The following FRAS1 variants were observed in gnomAD, a reference collection of about 807,000 sequenced individuals.
FRAS1 encodes extracellular matrix organizing protein FRAS1.
A neutral mutation model predicts 435.2 loss-of-function variants in FRAS1; 290 were observed. The ratio of observed to expected loss-of-function variants is 0.67; its 90% CI spans 0.61 to 0.73. The LOEUF is 0.73. Among genes scored for constraint, FRAS1 ranks in the 30% least tolerant of loss-of-function variants. The pLI is 0.00. For synonymous variants in FRAS1, 1,800 were observed against 1,851.0 expected (o/e 0.97, Z 0.71); for missense variants, 4,860 against 5,001.5 (o/e 0.97, Z 0.85).
rs981461626 is a variant in FRAS1 at position 78,464,992 on chromosome 4, C to A, written c.7029+409C>A. Reference sequence around the variant, plus strand: ...TCCTTCATCCGGACTTCTCTGATGGCAACTAATTATTACAATTTGAGCCTC... The same window carrying A: ...TCCTTCATCCGGACTTCTCTGATGGAAACTAATTATTACAATTTGAGCCTC... On this transcript the variant is annotated intron_variant, in intron 49 of 73. Coordinates refer to ENST00000512123, the MANE Select transcript of FRAS1 (RefSeq NM_025074.7). Among the ~76,000 whole-genome samples the A allele has an allele frequency of 1.4e-4, 21 of 152,326 alleles. 1 individual carries two copies. Among genetic ancestry groups the A allele is most frequent in the Admixed American group, 9.1e-4 (14 of 15,304 alleles).
At chr4:78,090,507 G>T (rs1482707209) in intron 2 of FRAS1, among the ~76,000 whole-genome samples, 1 of 152,042 alleles carries the variant, frequency 6.6e-6, no homozygotes, top group Non-Finnish European at 1.5e-5. Context: ...TGTCAGATCT[G>T]GTTAAGTCCA....
chr4:78,255,891 A>C (rs955040902), intron 6 of FRAS1, among the ~76,000 whole-genome samples: 1 of 152,236 alleles, frequency 6.6e-6, no homozygotes, highest in Non-Finnish European at 1.5e-5. Flanking sequence ...TCTGATTCTC[A>C]AAACATTAGA....
At chr4:78,323,629 C>A (rs766355217) in intron 18 of FRAS1, among the ~76,000 whole-genome samples, 1 of 152,166 alleles carries the variant, frequency 6.6e-6, no homozygotes, top group Non-Finnish European at 1.5e-5. Flanking sequence ...CCCCCAAGGG[C>A]GCTATTCTCA....
At chr4:78,336,538 CTA>C (rs1410722049) in intron 19 of FRAS1, among the ~76,000 whole-genome samples, 1 of 152,072 alleles carries the variant, frequency 6.6e-6, no homozygotes, top group Non-Finnish European at 1.5e-5. Context: ...CCAGAGAATG[CTA>C]TGTCTTTTGG....
intron 30 of FRAS1, among the ~76,000 whole-genome samples, chr4:78,401,530 G>A (rs1391262554): frequency 6.6e-6 from 1 of 152,202 alleles, no homozygotes; most frequent in Non-Finnish European, 1.5e-5. Context: ...TCCAAAAGGG[G>A]TTGTGAATGT....
chr4:78,504,228 A>AAT (rs1445881636), intron 61 of FRAS1, among the ~76,000 whole-genome samples: 2 of 152,242 alleles, frequency 1.3e-5, no homozygotes, highest in Non-Finnish European at 2.9e-5. Flanking sequence ...GCTGTCTATT[A>AAT]GGTCTGCTTG....
intron 2 of FRAS1, among the ~76,000 whole-genome samples, chr4:78,155,853 G>A (rs1172979675): frequency 1.3e-5 from 2 of 152,118 alleles, no homozygotes; most frequent in East Asian, 1.9e-4. Context: ...TACAGAGTTG[G>A]TGAGTGGGCC....
At chr4:78,424,851 G>T (rs1286357374) in intron 35 of FRAS1, among the ~76,000 whole-genome samples, 1 of 151,916 alleles carries the variant, frequency 6.6e-6, no homozygotes, top group East Asian at 1.9e-4. Flanking sequence ...GATCCCTTGA[G>T]CCCAGGAGGT....
At chr4:78,217,136 G>A (rs757858455) in intron 2 of FRAS1, among the ~76,000 whole-genome samples, 24 of 152,168 alleles carry the variant, frequency 1.6e-4, no homozygotes, top group Admixed American at 2.6e-4. Context: ...ATGGGCAGAA[G>A]CTGGATGTCC....
intron 6 of FRAS1, among the ~76,000 whole-genome samples, chr4:78,257,739 A>C (rs1008820895): frequency 2.0e-5 from 3 of 152,210 alleles, no homozygotes; most frequent in African/African-American, 7.2e-5. Context: ...GTTTGTTAGC[A>C]TAGTTATAAT....
intron 73 of FRAS1, 119 bp downstream of exon 73, chr4:78,539,559 C>A: frequency 1.0e-6 from 1 of 995,894 alleles, no homozygotes; most frequent in Non-Finnish European, 1.5e-6. Context: ...GCCATTCTTG[C>A]TGGCAGATCT....
intron 29 of FRAS1, among the ~76,000 whole-genome samples, chr4:78,393,368 G>T (rs1732527651): frequency 6.6e-6 from 1 of 151,358 alleles, no homozygotes; most frequent in Non-Finnish European, 1.5e-5. Flanking sequence ...TACCATAAGG[G>T]TTACATAAAA....
At chr4:78,171,454 T>C (rs1721554285) in intron 2 of FRAS1, among the ~76,000 whole-genome samples, 1 of 152,168 alleles carries the variant, frequency 6.6e-6, no homozygotes, top group Non-Finnish European at 1.5e-5. Flanking sequence ...ATAAATATCA[T>C]ATACTATGCT....
chr4:78,407,753 G>A lies in FRAS1; in HGVS notation c.4220G>A (p.Ser1407Asn). 1 of 1,613,814 alleles carries A rather than the reference G, an allele frequency of 6.2e-7. No individual in the cohort carries two copies. Among genetic ancestry groups the A allele is most frequent in the Non-Finnish European group, 8.5e-7 (1 of 1,179,810 alleles). Reference sequence around the variant, plus strand: ...GATGGGAGGACAGCTACCCCCACCAGCACCTTCACCCAGCAGGACATCAAT... The same window carrying A: ...GATGGGAGGACAGCTACCCCCACCAACACCTTCACCCAGCAGGACATCAAT... ...LPDGRTATPT[S>N]TFTQQDINEG... The change falls in exon 31 of 74, where the codon AGC becomes AAC. Residue 1407 changes from serine (S) to asparagine (N), a missense_variant. Physicochemically the swap from Ser to Asn is conservative, Grantham distance 46 (BLOSUM62 1). Transcript: ENST00000512123.
At position 78,343,908 on chromosome 4, in the gene FRAS1, AC is replaced by A. The variant is rs1287765525; in HGVS notation, c.2422+6093del. 2.6e-5 allele frequency among the ~76,000 whole-genome samples: 4 copies of A among 152,270 alleles called. No individual in the cohort carries two copies. The East Asian group carries it at 7.7e-4, about 29-fold the overall frequency. On this transcript the variant is annotated intron_variant, in intron 20 of 73. Coordinates refer to ENST00000512123, the MANE Select transcript of FRAS1 (RefSeq NM_025074.7). ...TACTGTGCGGGGGAGGTGGGTTGGC[AC>A]CGCCCTATATCTTGCTGTGGCTGCT...
chr4:78,246,664 A>G (rs1560601197), intron 4 of FRAS1, among the ~76,000 whole-genome samples: 1 of 152,208 alleles, frequency 6.6e-6, no homozygotes, highest in Non-Finnish European at 1.5e-5. Flanking sequence ...GCATGGTTCA[A>G]GGTGAATGAT....
At chr4:78,249,463 C>T (rs1433884941) in intron 4 of FRAS1, among the ~76,000 whole-genome samples, 1 of 150,076 alleles carries the variant, frequency 6.7e-6, no homozygotes, top group Non-Finnish European at 1.5e-5. Flanking sequence ...GCTGGGACTA[C>T]TGGCAACCGC....
Position 78,344,539 on chromosome 4 carries a change from C to T in FRAS1, c.2422+6722C>T, listed in dbSNP as rs549890052. 7.3e-4 allele frequency among the ~76,000 whole-genome samples: 102 copies of T among 139,400 alleles called. 1 individual carries two copies. In the Middle Eastern group the frequency reaches 0.029, roughly 40 times the overall value. The allele number at this position is 139,400 out of a possible 152,430, so 91.5% of individuals were successfully genotyped here. A position where few individuals can be genotyped will look rare whatever the true frequency, so the allele number is the denominator to read the frequency against. On this transcript the variant is annotated intron_variant, in intron 20 of 73. Coordinates refer to ENST00000512123, the MANE Select transcript of FRAS1 (RefSeq NM_025074.7). ...CCAGAGTACTCAACCATTTTGTACTCCATGATGCAAGTACAATTGCTTGCA... is the reference window on the plus strand; with the variant it reads ...CCAGAGTACTCAACCATTTTGTACTTCATGATGCAAGTACAATTGCTTGCA...
chr4:78,533,269 C>T (rs1419408354), intron 70 of FRAS1, among the ~76,000 whole-genome samples: 3 of 152,048 alleles, frequency 2.0e-5, no homozygotes, highest in African/African-American at 7.2e-5. Context: ...CTGTTTCGTC[C>T]ACAGATGAAT....
Sources: allele counts gnomAD v4.1 joint callset (sites outside exome capture counted in the v4.1 genomes callset), GRCh38; gene constraint gnomAD v4.1.1; transcripts MANE v1.5; gene names NCBI Gene and HGNC (gene_info 2026-07-23, HGNC 2026-07-21).